VAT1L: variants seen among roughly 807,000 people sequenced by gnomAD.
VAT1L encodes the protein putative NADPH-dependent quinone oxidoreductase VAT1L.
Under a neutral mutation model 44.1 loss-of-function variants are expected in VAT1L, and 34 were observed. The ratio of observed to expected loss-of-function variants is 0.77; its 90% CI spans 0.59 to 1.03. The LOEUF is 1.03. Among genes scored for constraint, VAT1L ranks in the 50% least tolerant of loss-of-function variants. The pLI, the probability that VAT1L is intolerant of heterozygous loss-of-function variation, is 0.00. For synonymous variants in VAT1L, 253 were observed against 202.2 expected, an observed-to-expected ratio of 1.25 and a Z score of -2.13; for missense variants, 615 against 538.8, an observed-to-expected ratio of 1.14 and a Z score of -1.40.
At chr16:77,933,082 G>C (rs1456513326) in intron 7 of VAT1L, among the ~76,000 whole-genome samples, 1 of 152,170 alleles carries the variant, frequency 6.6e-6, no homozygotes, top group African/African-American at 2.4e-5. Context: ...ATATGGAAAA[G>C]TACAAATCTT....
At chr16:77,898,936 G>C (rs1003639519) in intron 7 of VAT1L, among the ~76,000 whole-genome samples, 6 of 152,194 alleles carry the variant, frequency 3.9e-5, no homozygotes, top group Non-Finnish European at 2.9e-5. Context: ...CTGTTAGCTT[G>C]TTTTGGGAGG....
chr16:77,942,486 T>A (rs989968795), intron 7 of VAT1L, among the ~76,000 whole-genome samples: 2 of 152,130 alleles, frequency 1.3e-5, no homozygotes, highest in Non-Finnish European at 2.9e-5. Flanking sequence ...GGAGAATTCT[T>A]TGAATATATA....
At chr16:77,975,594 T>C (rs1239001847) in intron 8 of VAT1L, among the ~76,000 whole-genome samples, 2 of 152,190 alleles carry the variant, frequency 1.3e-5, no homozygotes, top group East Asian at 3.9e-4. Flanking sequence ...TAGAATAGTC[T>C]GGGCTCTAAG....
At chr16:77,854,770 A>G (rs919381555) in intron 3 of VAT1L, among the ~76,000 whole-genome samples, 1 of 152,194 alleles carries the variant, frequency 6.6e-6, no homozygotes, top group Non-Finnish European at 1.5e-5. Flanking sequence ...CTTTGACTAC[A>G]TTAATGATCT....
intron 1 of VAT1L, among the ~76,000 whole-genome samples, chr16:77,799,107 T>G (rs538431513): frequency 6.6e-6 from 1 of 152,224 alleles, no homozygotes; most frequent in East Asian, 1.9e-4. Context: ...AAAGAGAACT[T>G]TTTTCTCCCA....
At chr16:77,922,862 C>G (rs1327521983) in intron 7 of VAT1L, among the ~76,000 whole-genome samples, 1 of 152,174 alleles carries the variant, frequency 6.6e-6, no homozygotes, top group African/African-American at 2.4e-5. Flanking sequence ...GCCAGTGGCC[C>G]TCAAAGTGTG....
chr16:77,858,932 T>C (rs1222419402), intron 3 of VAT1L, among the ~76,000 whole-genome samples: 1 of 152,000 alleles, frequency 6.6e-6, no homozygotes, highest in Non-Finnish European at 1.5e-5. Context: ...GGTCAGGAGT[T>C]CGAGACCAGC....
At chr16:77,882,473 G>C (rs1229610699) in intron 6 of VAT1L, 2 of 152,194 alleles carry the variant, frequency 1.3e-5, no homozygotes, top group African/African-American at 4.8e-5. Flanking sequence ...TATGTTTATA[G>C]AGCACCTCAT....
intron 3 of VAT1L, among the ~76,000 whole-genome samples, chr16:77,842,511 G>A (rs1360770635): frequency 6.6e-6 from 1 of 152,208 alleles, no homozygotes; most frequent in Non-Finnish European, 1.5e-5. Flanking sequence ...CGGAGTGGGG[G>A]AATGATAGGT....
chr16:77,938,881 T>C (rs965159654), intron 7 of VAT1L, among the ~76,000 whole-genome samples: 1 of 147,544 alleles, frequency 6.8e-6, no homozygotes, highest in East Asian at 2.0e-4. Flanking sequence ...TAAAAGATCA[T>C]CATTGCTTTT....
intron 7 of VAT1L, among the ~76,000 whole-genome samples, chr16:77,965,844 A>C (rs1464808082): frequency 6.6e-6 from 1 of 152,176 alleles, no homozygotes; most frequent in Non-Finnish European, 1.5e-5. Flanking sequence ...CATTCATCCC[A>C]GAAGCTATTG....
chr16:77,914,493 G>C (rs1367655674), intron 7 of VAT1L, among the ~76,000 whole-genome samples: 1 of 152,086 alleles, frequency 6.6e-6, no homozygotes, highest in Non-Finnish European at 1.5e-5. Flanking sequence ...TTTATCACTT[G>C]GTTTATTGTG....
chr16:77,913,035 G>A (rs964843951), intron 7 of VAT1L, among the ~76,000 whole-genome samples: 4 of 152,064 alleles, frequency 2.6e-5, no homozygotes, highest in Non-Finnish European at 4.4e-5. Context: ...CAGGTGTTAC[G>A]GCTTCAACAT....
chr16:77,913,304 T>A (rs1383306580), intron 7 of VAT1L, among the ~76,000 whole-genome samples: 2 of 152,206 alleles, frequency 1.3e-5, no homozygotes, highest in Non-Finnish European at 2.9e-5. Flanking sequence ...AACGTTTTTG[T>A]CTTGCAACTC....
chr16:77,917,114 A>G (rs1394004866), intron 7 of VAT1L, among the ~76,000 whole-genome samples: 2 of 152,228 alleles, frequency 1.3e-5, no homozygotes, highest in Admixed American at 6.5e-5. Context: ...AATATAAGCT[A>G]GATTCTCAGA....
chr16:77,905,128 C>T (rs1422269706), intron 7 of VAT1L, among the ~76,000 whole-genome samples: 1 of 152,210 alleles, frequency 6.6e-6, no homozygotes, highest in Non-Finnish European at 1.5e-5. Context: ...AACATCCCCT[C>T]TCTATCAATA....
chr16:77,792,412 T>G (rs1184238313), intron 1 of VAT1L, among the ~76,000 whole-genome samples: 2 of 151,882 alleles, frequency 1.3e-5, no homozygotes, highest in Admixed American at 1.3e-4. Context: ...CTTTTTCAGG[T>G]GGTTTATTGA....
intron 7 of VAT1L, chr16:77,892,602 T>A (rs76439312): frequency 0.056 from 36,920 of 662,638 alleles, 1,761 homozygotes; most frequent in East Asian, 0.15. Flanking sequence ...CCAGGGTTTA[T>A]GTGTCAAGGT....
At chr16:77,866,310 G>A (rs1472229195) in intron 4 of VAT1L, among the ~76,000 whole-genome samples, 2 of 152,194 alleles carry the variant, frequency 1.3e-5, no homozygotes, top group South Asian at 2.1e-4. Context: ...AAATAGTTCA[G>A]TCGATTATGC....
Sources: gnomAD v4.1 joint callset for allele counts (sites outside exome capture counted in the v4.1 genomes callset) on GRCh38, gnomAD v4.1.1 for gene constraint, MANE v1.5 for transcripts, NCBI Gene and HGNC (gene_info 2026-07-23, HGNC 2026-07-21) for gene names.